Variants in TANC1 observed in about 807,000 individuals in gnomAD.
The protein encoded by TANC1 is tetratricopeptide repeat, ankyrin repeat and coiled-coil containing 1.
A neutral mutation model predicts 149.7 loss-of-function variants in TANC1; 77 were observed. The ratio of observed to expected loss-of-function variants is 0.51; its 90% CI spans 0.43 to 0.62. The LOEUF (loss-of-function observed/expected upper bound fraction) is 0.62. TANC1 is among the 20% of genes least tolerant of loss of function. The pLI, the probability that TANC1 is intolerant of heterozygous loss-of-function variation, is 0.00. For missense variants in TANC1, 1,985 were observed against 2,321.8 expected, an observed-to-expected ratio of 0.85 and a Z score of 2.98; for synonymous variants, 854 against 925.0, an observed-to-expected ratio of 0.92 and a Z score of 1.39.
chr2:159,136,037 TGTGTGTGTGTGTGCGCGCGC>T (rs2050657238), intron 4 of TANC1, among the ~76,000 whole-genome samples, 137 bp from the exon 5 acceptor site: 2 of 76,176 alleles, frequency 2.6e-5, no homozygotes, highest in Admixed American at 1.1e-4. Context: ...TGTGTGTGTG[TGTGTGTGTGTGTGCGCGCGC>T]GCGCGTTTAA....
chr2:159,055,515 C>T (rs2041785088), intron 2 of TANC1, among the ~76,000 whole-genome samples: 1 of 152,234 alleles, frequency 6.6e-6, no homozygotes, highest in Non-Finnish European at 1.5e-5. Context: ...GTTCACATCA[C>T]AGATTTGCCT....
Position 159,104,981 on chromosome 2 carries a change from CTTTTTTTTTT to C in TANC1, c.259+7169_259+7178del, listed in dbSNP as rs146778655. On this transcript the variant is annotated intron_variant, in intron 4 of 26. Transcript: ENST00000263635. ...AACATTTCTGATTGTTGGATATTTG[CTTTTTTTTTT>C]TTTTTTTTTTTTTTTTTTTTTGAGA... Among the ~76,000 whole-genome samples the C allele has an allele frequency of 7.0e-3, 303 of 43,334 alleles. 2 individuals are homozygous for C. Among genetic ancestry groups the C allele is most frequent in the Non-Finnish European group, 0.011 (239 of 21,092 alleles). The allele number at this position is 43,334 out of a possible 152,430, so 28.4% of individuals were successfully genotyped here. A position where few individuals can be genotyped will look rare whatever the true frequency, so the allele number is the denominator to read the frequency against.
chr2:159,211,233 A>G (rs1351819729), intron 19 of TANC1, among the ~76,000 whole-genome samples: 1 of 152,238 alleles, frequency 6.6e-6, no homozygotes, highest in Non-Finnish European at 1.5e-5. Context: ...TCAAGACAGG[A>G]CAGTGTTGCT....
chr2:159,228,388 G>A (rs1575386898), intron 25 of TANC1: 1 of 254,240 alleles, frequency 3.9e-6, no homozygotes, highest in South Asian at 6.3e-5. Flanking sequence ...ACTCATAGTC[G>A]ATTTGTAACT....
At chr2:159,208,120 A>T (rs2058749479) in intron 19 of TANC1, among the ~76,000 whole-genome samples, 1 of 152,214 alleles carries the variant, frequency 6.6e-6, no homozygotes, top group Non-Finnish European at 1.5e-5. Context: ...AAAGGTTCTT[A>T]ACAAGATTAA....
chr2:159,136,068 G>T, intron 4 of TANC1, 126 bp from the exon 5 acceptor site: 1 of 645,990 alleles, frequency 1.5e-6, no homozygotes. Context: ...GCGCGTTTAA[G>T]GGAGGGGAAG....
intron 1 of TANC1, among the ~76,000 whole-genome samples, chr2:158,988,334 A>G (rs2035246165): frequency 6.6e-6 from 1 of 151,814 alleles, no homozygotes; most frequent in Admixed American, 6.6e-5. Flanking sequence ...CCAAAAAAAA[A>G]AAAAAAAAAG....
At position 159,228,861 on chromosome 2, in the gene TANC1, C is replaced by T. The variant is rs762906132; in HGVS notation, c.4116C>T (p.Ala1372=). Residue 1372 remains alanine, a synonymous_variant, in exon 26 of 27, where the codon GCC becomes GCT. Coordinates refer to ENST00000263635, the MANE Select transcript of TANC1 (RefSeq NM_033394.3). ...AATTGAAGCCCAAGTCCTATGAAGC[C>T]TTTTATGCCAGAGCAAGAGCGAAGA... is the stretch of plus-strand genomic sequence containing the variant. ...ALELKPKSYE[A]FYARARAKRN... 5 of 1,614,098 alleles carry T rather than the reference C, an allele frequency of 3.1e-6. No homozygotes were observed. The highest frequency in any genetic ancestry group is 4.2e-6 in the Non-Finnish European group (5 of 1,179,988).
At chr2:159,138,873 G>A (rs1252736712) in intron 5 of TANC1, among the ~76,000 whole-genome samples, 2 of 152,050 alleles carry the variant, frequency 1.3e-5, no homozygotes, top group Non-Finnish European at 2.9e-5. Flanking sequence ...CTTTTGCTTT[G>A]GTCATGTAGC....
intron 3 of TANC1, among the ~76,000 whole-genome samples, chr2:159,072,998 A>G (rs1055532186): frequency 6.6e-6 from 1 of 152,216 alleles, no homozygotes; most frequent in Non-Finnish European, 1.5e-5. Context: ...TGCTTTCAAA[A>G]TAATGTATTT....
chr2:159,046,589 CTTTTTTTTTTTTT>C lies in TANC1; in HGVS notation c.-15-19291_-15-19279del, dbSNP rs57208685. Among the ~76,000 whole-genome samples the C allele has an allele frequency of 2.1e-4, 18 of 84,390 alleles. No homozygotes were observed. The South Asian group carries it at 6.3e-3, about 30-fold the overall frequency. The allele number at this position is 84,390 out of a possible 152,430, so 55.4% of individuals were successfully genotyped here. ...ATGCACCATTCTTTTCTTTTCTTTA[CTTTTTTTTTTTTT>C]TTTTTTTTTTTTTTTGAGGCAGGGT... On this transcript the variant is annotated intron_variant, in intron 2 of 26. Coordinates refer to ENST00000263635, the MANE Select transcript of TANC1 (RefSeq NM_033394.3).
At chr2:159,030,340 C>A (rs565342884) in intron 2 of TANC1, among the ~76,000 whole-genome samples, 1 of 152,282 alleles carries the variant, frequency 6.6e-6, no homozygotes, top group South Asian at 2.1e-4. Flanking sequence ...ATGAAGGTTG[C>A]TGTTTTTTAT....
intron 2 of TANC1, among the ~76,000 whole-genome samples, chr2:159,003,528 A>T (rs1435844243): frequency 6.6e-6 from 1 of 152,050 alleles, no homozygotes; most frequent in Non-Finnish European, 1.5e-5. Flanking sequence ...AGAGAGGTTA[A>T]ATTGCCTGCC....
At chr2:159,065,066 T>A (rs1359013509) in intron 2 of TANC1, among the ~76,000 whole-genome samples, 4 of 152,304 alleles carry the variant, frequency 2.6e-5, no homozygotes, top group Admixed American at 2.6e-4. Context: ...CTCATCTGAG[T>A]TAGCAGTGGG....
chr2:159,231,897 G>A lies in TANC1; in HGVS notation c.*885G>A, dbSNP rs2060345920. 1 of 152,270 alleles carries A rather than the reference G, an allele frequency of 6.6e-6. No individual in the cohort carries two copies. The highest frequency in any genetic ancestry group is 1.5e-5 in the Non-Finnish European group (1 of 68,020). The allele number at this position is 152,270 out of a possible 1,614,324, so 9.4% of individuals were successfully genotyped here. ...TATTTAATTCAGATACTAAAGGTAAGACTGGTTGTTACTTTTGTTTTGTTG... is the reference window on the plus strand; with the variant it reads ...TATTTAATTCAGATACTAAAGGTAAAACTGGTTGTTACTTTTGTTTTGTTG... On this transcript the variant is annotated 3_prime_UTR_variant, in exon 27 of 27. Transcript: ENST00000263635.
At chr2:158,999,505 G>GC (rs1216833682) in intron 1 of TANC1, among the ~76,000 whole-genome samples, 3 of 152,128 alleles carry the variant, frequency 2.0e-5, no homozygotes, top group African/African-American at 7.2e-5. Flanking sequence ...CTCCTCTTAA[G>GC]CTGGGACAAC....
chr2:159,108,951 G>A (rs954329662), intron 4 of TANC1, among the ~76,000 whole-genome samples: 1 of 152,184 alleles, frequency 6.6e-6, no homozygotes, highest in Non-Finnish European at 1.5e-5. Context: ...CATGCAGGGA[G>A]CCCCTTTTCT....
At chr2:159,117,151 C>A (rs1033790738) in intron 4 of TANC1, among the ~76,000 whole-genome samples, 1 of 152,150 alleles carries the variant, frequency 6.6e-6, no homozygotes, top group Non-Finnish European at 1.5e-5. Flanking sequence ...AACCTAAATA[C>A]AACATAGAAA....
chr2:159,091,129 A>G (rs751974978), intron 3 of TANC1, among the ~76,000 whole-genome samples: 1 of 151,984 alleles, frequency 6.6e-6, no homozygotes, highest in Non-Finnish European at 1.5e-5. Flanking sequence ...AAAATGACAT[A>G]ATGTTGAAAG....
Sources: gnomAD v4.1 joint callset for allele counts (sites outside exome capture counted in the v4.1 genomes callset) on GRCh38, gnomAD v4.1.1 for gene constraint, MANE v1.5 for transcripts, NCBI Gene and HGNC (gene_info 2026-07-23, HGNC 2026-07-21) for gene names.